Variants in RAD23B observed in about 807,000 individuals in gnomAD.
RAD23B encodes the protein lysine-specific demethylase RAD23B.
RAD23B carries 5 observed loss-of-function variants against 49.1 expected under a neutral mutation model. The ratio of observed to expected loss-of-function variants is 0.10; its 90% CI spans 0.05 to 0.21. The LOEUF (loss-of-function observed/expected upper bound fraction) is 0.21. RAD23B is among the 10% of genes least tolerant of loss of function. The probability of loss-of-function intolerance (pLI) is 1.00; values close to 1 mark genes in which losing one functional copy is unlikely to be tolerated. For synonymous variants in RAD23B, 184 were observed against 165.4 expected (o/e 1.11, Z -0.86); for missense variants, 356 against 486.7 (o/e 0.73, Z 2.53).
At chr9:107,295,077 A>G (rs1826474890) in intron 1 of RAD23B, among the ~76,000 whole-genome samples, 2 of 141,730 alleles carry the variant, frequency 1.4e-5, no homozygotes, top group African/African-American at 2.6e-5. Context: ...TGGAATGGCC[A>G]GCGGTGGGTG....
At position 107,283,704 on chromosome 9, in the gene RAD23B, G is replaced by A. The variant is rs777233962; in HGVS notation, c.66+9G>A. The A allele has an allele frequency of 4.1e-6, 6 of 1,459,642 alleles. No individual in the cohort carries two copies. Among genetic ancestry groups the A allele is most frequent in the Non-Finnish European group, 4.5e-6 (5 of 1,100,624 alleles). The allele number at this position is 1,459,642 out of a possible 1,614,324, so 90.4% of individuals were successfully genotyped here. ...TTGACCCCGAGGAGACGGTATGCGC[G>A]CGGGCCGGGGGCAGGGGCAGCCGCG... On this transcript the variant is annotated intron_variant, in intron 1 of 9. Coordinates refer to ENST00000358015, the MANE Select transcript of RAD23B (RefSeq NM_002874.5).
Position 107,331,689 on chromosome 9 carries a change from CAAAA to C in RAD23B, c.*2042_*2045del, listed in dbSNP as rs3056494. The C allele has an allele frequency of 1.4e-6, 1 of 699,718 alleles. No homozygotes were observed. Among genetic ancestry groups the C allele is most frequent in the Non-Finnish European group, 2.7e-6 (1 of 376,112 alleles). 43.3% of individuals were successfully genotyped at this position (699,718 alleles called of 1,614,324 possible). ...CTCAGATCATAGTGAAAACTGGAAACAAAAAAAAAAAACAGCCTCTTCTTGGAAA... is the reference window on the plus strand; with the variant it reads ...CTCAGATCATAGTGAAAACTGGAAACAAAAAAAACAGCCTCTTCTTGGAAA... On this transcript the variant is annotated 3_prime_UTR_variant, in exon 10 of 10. Transcript: ENST00000358015.
intron 1 of RAD23B, among the ~76,000 whole-genome samples, chr9:107,293,623 A>ATATG (rs1403879315): frequency 6.6e-6 from 1 of 152,216 alleles, no homozygotes; most frequent in Non-Finnish European, 1.5e-5. Context: ...GTTATATGGA[A>ATATG]TATGCAATTG....
chr9:107,323,876 T>A lies in RAD23B; in HGVS notation c.818-14T>A. 5 of 1,595,492 alleles carry A rather than the reference T, an allele frequency of 3.1e-6. No homozygotes were observed. Among genetic ancestry groups the A allele is most frequent in the Non-Finnish European group, 4.3e-6 (5 of 1,163,408 alleles). ...TTTACTGCTTTTGTTTAGAAATGTT[T>A]ATGTGTATTTTAGGACATCCCCTTG... On this transcript the variant is annotated splice_polypyrimidine_tract_variant and intron_variant, in intron 7 of 9. Coordinates refer to ENST00000358015, the MANE Select transcript of RAD23B (RefSeq NM_002874.5).
intron 8 of RAD23B, 91 bp from the exon 9 acceptor site, chr9:107,324,743 C>T (rs1224782286): frequency 7.0e-6 from 9 of 1,287,338 alleles, no homozygotes; most frequent in African/African-American, 3.1e-5. Flanking sequence ...AAAAGTGTAG[C>T]CTTTTCTCTT....
chr9:107,291,203 C>T (rs970434614), intron 1 of RAD23B, among the ~76,000 whole-genome samples: 3 of 152,142 alleles, frequency 2.0e-5, no homozygotes, highest in Non-Finnish European at 2.9e-5. Flanking sequence ...TAGGTAGGCA[C>T]CTTGTTTTTG....
rs1414703489 is a variant in RAD23B, at chr9:107,330,303, C to T, written c.*647C>T. 6.6e-6 allele frequency: 1 copy of T among 152,288 alleles called. No homozygotes were observed. Among genetic ancestry groups the T allele is most frequent in the Non-Finnish European group, 1.5e-5 (1 of 67,960 alleles). 9.4% of individuals were successfully genotyped at this position (152,288 alleles called of 1,614,324 possible). On this transcript the variant is annotated 3_prime_UTR_variant, in exon 10 of 10. Transcript: ENST00000358015. This position sits in a 1 kb window ranked among gnomAD's most constrained non-coding sequence, Gnocchi z 4.4. ...ATTTCTTGATCATTGAATGTGAGAC[C>T]CTTCTAACATGATTTGAGAAGCTGT...
chr9:107,301,994 G>A, intron 2 of RAD23B, 41 bp from the exon 3 acceptor site: 1 of 1,600,630 alleles, frequency 6.2e-7, no homozygotes, highest in East Asian at 2.3e-5. Context: ...GTAAGAGAAA[G>A]ATTATGCCTT....
intron 1 of RAD23B, among the ~76,000 whole-genome samples, chr9:107,295,110 AAGC>A (rs1257527453): frequency 6.6e-6 from 1 of 151,500 alleles, no homozygotes; most frequent in Non-Finnish European, 1.5e-5. Flanking sequence ...CAGAGAAAAT[AAGC>A]AGCAGAATGA....
chr9:107,321,321 C>G (rs1827107454), intron 6 of RAD23B, among the ~76,000 whole-genome samples: 1 of 151,254 alleles, frequency 6.6e-6, no homozygotes, highest in African/African-American at 2.4e-5. Flanking sequence ...CTTTAAGAAA[C>G]ACTTCACTGA....
intron 5 of RAD23B, among the ~76,000 whole-genome samples, chr9:107,317,603 C>T (rs1303023719): frequency 1.3e-5 from 2 of 151,720 alleles, no homozygotes; most frequent in African/African-American, 4.8e-5. Flanking sequence ...TAGTTAACTA[C>T]TGACCCAGGA....
chr9:107,309,134 TA>T (rs965438568), intron 4 of RAD23B, among the ~76,000 whole-genome samples: 10 of 152,186 alleles, frequency 6.6e-5, no homozygotes, highest in African/African-American at 2.2e-4. Flanking sequence ...CAAAGTGTGG[TA>T]GTCAATAGGC....
chr9:107,284,070 T>C, intron 1 of RAD23B: 1 of 1,012,342 alleles, frequency 9.9e-7, no homozygotes, highest in Non-Finnish European at 1.2e-6. Context: ...GAGGGAGACG[T>C]AGGCGTCGCC....
At chr9:107,284,686 A>T in intron 1 of RAD23B, 1 of 1,097,034 alleles carries the variant, frequency 9.1e-7, no homozygotes, top group Non-Finnish European at 1.1e-6. Flanking sequence ...ATACACCGCC[A>T]AGATTGTCAT....
At chr9:107,299,597 T>A (rs1292990267) in intron 1 of RAD23B, among the ~76,000 whole-genome samples, 1 of 152,196 alleles carries the variant, frequency 6.6e-6, no homozygotes, top group Non-Finnish European at 1.5e-5. Flanking sequence ...TGGAAACACC[T>A]GTAAAACTTT....
chr9:107,310,495 G>C (rs1056151371), intron 4 of RAD23B, among the ~76,000 whole-genome samples: 1 of 152,046 alleles, frequency 6.6e-6, no homozygotes, highest in African/African-American at 2.4e-5. Flanking sequence ...TGATTGTGCC[G>C]ACATAGAATG....
At chr9:107,323,482 A>G (rs1017642444) in intron 7 of RAD23B, among the ~76,000 whole-genome samples, 1 of 152,108 alleles carries the variant, frequency 6.6e-6, no homozygotes, top group Admixed American at 6.5e-5. Flanking sequence ...TTCATTGTTT[A>G]TAAAGTAAGT....
At chr9:107,326,613 C>G (rs1225028981) in intron 9 of RAD23B, among the ~76,000 whole-genome samples, 2 of 140,264 alleles carry the variant, frequency 1.4e-5, no homozygotes, top group East Asian at 4.3e-4. Context: ...CTTGTCTATT[C>G]AACTTTTGTA....
At chr9:107,314,063 C>G (rs1826943235) in intron 5 of RAD23B, among the ~76,000 whole-genome samples, 1 of 152,110 alleles carries the variant, frequency 6.6e-6, no homozygotes, top group Admixed American at 6.6e-5. Context: ...CCTTATTTCA[C>G]TTGTACTCTT....
Sources: allele counts gnomAD v4.1 joint callset (sites outside exome capture counted in the v4.1 genomes callset), GRCh38; gene constraint gnomAD v4.1.1; non-coding constraint Gnocchi (gnomAD v3.1); transcripts MANE v1.5; gene names NCBI Gene and HGNC (gene_info 2026-07-23, HGNC 2026-07-21).